Variants in FTO observed in about 807,000 individuals in gnomAD.
FTO encodes the protein alpha-ketoglutarate-dependent dioxygenase FTO.
In FTO, 47 loss-of-function variants were observed where a neutral mutation model predicts 63.9. That is an observed-to-expected ratio of 0.74 (90% CI 0.58 to 0.94). The LOEUF (loss-of-function observed/expected upper bound fraction) is 0.94, where lower values mean the gene tolerates loss of function less well. FTO is among the 40% of genes least tolerant of loss of function. The pLI is 0.00. For missense variants in FTO, 562 were observed against 618.1 expected, an observed-to-expected ratio of 0.91 and a Z score of 0.96; for synonymous variants, 207 against 224.4, an observed-to-expected ratio of 0.92 and a Z score of 0.69.
At chr16:54,098,289 C>T (rs980745476) in intron 8 of FTO, among the ~76,000 whole-genome samples, 1 of 152,186 alleles carries the variant, frequency 6.6e-6, no homozygotes, top group Non-Finnish European at 1.5e-5. Flanking sequence ...GAGTTCCCTA[C>T]CCTAAGTGAC....
At chr16:53,863,685 G>T (rs1232295913) in intron 4 of FTO, among the ~76,000 whole-genome samples, 1 of 152,232 alleles carries the variant, frequency 6.6e-6, no homozygotes, top group African/African-American at 2.4e-5. Flanking sequence ...ATCACAGGTT[G>T]TGTGCATAGA....
Position 53,837,562 on chromosome 16 carries a change from A to G in FTO, c.752-6593A>G, listed in dbSNP as rs1416531788. On this transcript the variant is annotated intron_variant, in intron 3 of 8. Coordinates refer to ENST00000471389, the MANE Select transcript of FTO (RefSeq NM_001080432.3). Reference sequence around the variant, plus strand: ...TCTAAATTCTCCATTTTTTCAGACCATTCATTGCTCCGTGGCTGAGAAGGA... The same window carrying G: ...TCTAAATTCTCCATTTTTTCAGACCGTTCATTGCTCCGTGGCTGAGAAGGA... 2.6e-5 allele frequency among the ~76,000 whole-genome samples: 4 copies of G among 151,834 alleles called. No individual in the cohort carries two copies. The East Asian group carries it at 5.8e-4, about 22-fold the overall frequency.
At chr16:53,882,967 G>A (rs9934504) in intron 6 of FTO, among the ~76,000 whole-genome samples, 28,158 of 151,944 alleles carry the variant, frequency 0.19, 2,899 homozygotes, top group South Asian at 0.28. Flanking sequence ...TGTGCCTGAT[G>A]GGTGTTCTAC....
intron 3 of FTO, among the ~76,000 whole-genome samples, chr16:53,840,330 G>A (rs2079439084): frequency 2.0e-5 from 3 of 151,872 alleles, no homozygotes; most frequent in Admixed American, 2.0e-4. Context: ...AAGGTGATCT[G>A]GATATCAATT....
intron 1 of FTO, among the ~76,000 whole-genome samples, chr16:53,801,318 C>T (rs1203675102): frequency 6.6e-6 from 1 of 151,748 alleles, no homozygotes; most frequent in Non-Finnish European, 1.5e-5. Flanking sequence ...TATTACTGTG[C>T]TTCACATGTA....
intron 1 of FTO, among the ~76,000 whole-genome samples, chr16:53,727,130 C>G (rs2076173331): frequency 6.6e-6 from 1 of 152,016 alleles, no homozygotes. Flanking sequence ...TTTCACAGGG[C>G]CAAGAGGTTG....
At chr16:53,746,596 TG>T (rs2076657026) in intron 1 of FTO, among the ~76,000 whole-genome samples, 1 of 152,200 alleles carries the variant, frequency 6.6e-6, no homozygotes. Context: ...AAATCATAGT[TG>T]TAAATATTAT....
At chr16:54,082,009 G>T (rs145247567) in intron 8 of FTO, among the ~76,000 whole-genome samples, 1,629 of 152,222 alleles carry the variant, frequency 0.011, 33 homozygotes, top group African/African-American at 0.037. Context: ...AGCATCTACC[G>T]CCCCGTCAGA....
intron 7 of FTO, among the ~76,000 whole-genome samples, chr16:53,890,364 C>T (rs1323280122): frequency 3.9e-5 from 6 of 152,076 alleles, no homozygotes; most frequent in Non-Finnish European, 8.8e-5. Flanking sequence ...GCAGTCTATG[C>T]CATAAACCTA....
intron 8 of FTO, among the ~76,000 whole-genome samples, chr16:53,985,691 T>C (rs1011711563): frequency 1.3e-5 from 2 of 152,186 alleles, no homozygotes; most frequent in Non-Finnish European, 2.9e-5. Flanking sequence ...ATTTTTCTGT[T>C]TTTCAAATCC....
At chr16:53,952,019 C>A (rs181376616) in intron 8 of FTO, among the ~76,000 whole-genome samples, 2 of 152,182 alleles carry the variant, frequency 1.3e-5, no homozygotes, top group Non-Finnish European at 2.9e-5. Context: ...TCATCATCAT[C>A]ATAATAATAG....
intron 8 of FTO, among the ~76,000 whole-genome samples, chr16:53,954,630 G>A (rs187547919): frequency 1.1e-4 from 17 of 152,112 alleles, no homozygotes; most frequent in African/African-American, 3.6e-4. Flanking sequence ...GCAGGGTAGA[G>A]AGAAGGGTGA....
chr16:53,709,916 A>G (rs1207028532), intron 1 of FTO, among the ~76,000 whole-genome samples: 1 of 152,206 alleles, frequency 6.6e-6, no homozygotes, highest in Non-Finnish European at 1.5e-5. Context: ...TGTTAATTTC[A>G]GAAAAAGTTA....
At chr16:54,008,316 G>A (rs768343039) in intron 8 of FTO, 1 of 151,556 alleles carries the variant, frequency 6.6e-6, no homozygotes, top group East Asian at 1.9e-4. Context: ...CCTGCTTTTT[G>A]TGTCATTTAT....
At chr16:53,705,431 T>C (rs2075581224) in intron 1 of FTO, among the ~76,000 whole-genome samples, 1 of 152,194 alleles carries the variant, frequency 6.6e-6, no homozygotes, top group Non-Finnish European at 1.5e-5. Context: ...CACTATACTT[T>C]ATCGGGCTTC....
intron 8 of FTO, among the ~76,000 whole-genome samples, chr16:53,960,486 C>T (rs1016255964): frequency 4.6e-5 from 7 of 152,190 alleles, no homozygotes; most frequent in Non-Finnish European, 1.0e-4. Context: ...ACTAGACTTT[C>T]ATTGTATTGT....
At chr16:54,010,063 C>T (rs2084301840) in intron 8 of FTO, among the ~76,000 whole-genome samples, 1 of 152,148 alleles carries the variant, frequency 6.6e-6, no homozygotes, top group South Asian at 2.1e-4. Flanking sequence ...CCCATGAAGC[C>T]TCAGTAGCTC....
intron 6 of FTO, among the ~76,000 whole-genome samples, chr16:53,888,433 T>TTTTAAAAATAAAAATAA (rs1283533485): frequency 2.0e-4 from 31 of 151,314 alleles, no homozygotes; most frequent in East Asian, 1.2e-3. Flanking sequence ...GCCAATTTAT[T>TTTTAAAAATAAAAATAA]AGTAGCTTGG....
At position 53,773,121 on chromosome 16, in the gene FTO, G is replaced by A. The variant is rs936957400; in HGVS notation, c.46-37019G>A. Among the ~76,000 whole-genome samples, 6 of 151,010 alleles carry A rather than the reference G, an allele frequency of 4.0e-5. No homozygotes were observed. The South Asian group carries it at 1.3e-3, about 32-fold the overall frequency. On this transcript the variant is annotated intron_variant, in intron 1 of 8. Transcript: ENST00000471389. ...TTTTTTTTTGAGGAGTTCATATTGC[G>A]ATATACCTATTTGGTGGTTATTTAG...
Sources: gnomAD v4.1 joint callset for allele counts (sites outside exome capture counted in the v4.1 genomes callset) on GRCh38, gnomAD v4.1.1 for gene constraint, MANE v1.5 for transcripts, NCBI Gene and HGNC (gene_info 2026-07-23, HGNC 2026-07-21) for gene names.